Variants in ST3GAL4 observed in about 807,000 individuals in gnomAD.
ST3GAL4 encodes the protein ST3 beta-galactoside alpha-2,3-sialyltransferase 4, also known as CMP-N-acetylneuraminate-beta-galactosamide-alpha-2,3-sialyltransferase 4.
Under a neutral mutation model 42.6 loss-of-function variants are expected in ST3GAL4, and 24 were observed. That is an observed-to-expected ratio of 0.56 (90% CI 0.41 to 0.79). The LOEUF is 0.79. Among genes scored for constraint, ST3GAL4 ranks in the 30% least tolerant of loss-of-function variants. The probability of loss-of-function intolerance (pLI) is 0.00; values close to 1 mark genes in which losing one functional copy is unlikely to be tolerated. For missense variants in ST3GAL4, 311 were observed against 430.8 expected (o/e 0.72, Z 2.46); for synonymous variants, 135 against 163.2 (o/e 0.83, Z 1.32).
intron 1 of ST3GAL4, among the ~76,000 whole-genome samples, chr11:126,385,129 G>A (rs1953175646): frequency 6.6e-6 from 1 of 151,946 alleles, no homozygotes; most frequent in African/African-American, 2.4e-5. Context: ...GAGAGGTTAA[G>A]TACCTGGTCC....
rs541651763 is a variant in ST3GAL4, at chr11:126,410,363, C to T, written c.771+952C>T. 7.2e-5 allele frequency among the ~76,000 whole-genome samples: 11 copies of T among 152,260 alleles called. No individual in the cohort carries two copies. Among genetic ancestry groups the T allele is most frequent in the Middle Eastern group, 3.4e-3 (1 of 294 alleles). On this transcript the variant is annotated intron_variant, in intron 9 of 10. Transcript: ENST00000444328. The surrounding 1 kb of genome is among the most constrained non-coding windows in gnomAD (Gnocchi z 5.3). ...CTTCCACCCATATCTTGGAGCCCCTCGGGGAGGCCGTGTGGGATGGTGAGA... is the reference window on the plus strand; with the variant it reads ...CTTCCACCCATATCTTGGAGCCCCTTGGGGAGGCCGTGTGGGATGGTGAGA...
Position 126,383,588 on chromosome 11 carries a change from G to GGT in ST3GAL4, c.-60-22496_-60-22495dup, listed in dbSNP as rs376323612. On this transcript the variant is annotated intron_variant, in intron 1 of 10. Transcript: ENST00000444328. The surrounding 1 kb of genome is among the most constrained non-coding windows in gnomAD (Gnocchi z 4.5). ...ACTGAGAAGTGGGTGTATTTGGGCA[G>GGT]GTGTGTGTGTGTGACCAAGCTTGCG... Among the ~76,000 whole-genome samples, 58 of 152,196 alleles carry GGT rather than the reference G, an allele frequency of 3.8e-4. No homozygotes were observed. The highest frequency in any genetic ancestry group is 4.7e-4 in the Non-Finnish European group (32 of 67,984).
At chr11:126,401,602 C>T (rs1953996342) in intron 1 of ST3GAL4, among the ~76,000 whole-genome samples, 1 of 144,286 alleles carries the variant, frequency 6.9e-6, no homozygotes, top group African/African-American at 2.5e-5. Flanking sequence ...TGGGCCCCGG[C>T]AGCAGAGCCT....
At position 126,379,219 on chromosome 11, in the gene ST3GAL4, A is replaced by G. The variant is rs1161125434; in HGVS notation, c.-61+23377A>G. 6.6e-6 allele frequency among the ~76,000 whole-genome samples: 1 copy of G among 152,204 alleles called. No homozygotes were observed. The highest frequency in any genetic ancestry group is 1.5e-5 in the Non-Finnish European group (1 of 68,036). Reference sequence around the variant, plus strand: ...TATCTAGAGGATTACGTAGCCACCAATTGCTTTGCTTAGTAGTGAGGATGG... The same window carrying G: ...TATCTAGAGGATTACGTAGCCACCAGTTGCTTTGCTTAGTAGTGAGGATGG... On this transcript the variant is annotated intron_variant, in intron 1 of 10. Coordinates refer to ENST00000444328, the MANE Select transcript of ST3GAL4 (RefSeq NM_001254757.2). This position sits in a 1 kb window ranked among gnomAD's most constrained non-coding sequence, Gnocchi z 4.2.
At position 126,396,494 on chromosome 11, in the gene ST3GAL4, G is replaced by A. The variant is rs1953768560; in HGVS notation, c.-60-9602G>A. Among the ~76,000 whole-genome samples the A allele has an allele frequency of 6.6e-6, 1 of 151,998 alleles. No homozygotes were observed. Among genetic ancestry groups the A allele is most frequent in the Non-Finnish European group, 1.5e-5 (1 of 68,040 alleles). ...CAGCTGTGTGCCTTGAACACGTACT[G>A]CAGAGCTTCCAGAGAGCACCAGGGC... On this transcript the variant is annotated intron_variant, in intron 1 of 10. Coordinates refer to ENST00000444328, the MANE Select transcript of ST3GAL4 (RefSeq NM_001254757.2). The surrounding 1 kb of genome is among the most constrained non-coding windows in gnomAD (Gnocchi z 5.8).
In ST3GAL4 at chr11:126,398,706, C is replaced by T. The variant is rs967813427; in HGVS notation, c.-60-7390C>T. Among the ~76,000 whole-genome samples the T allele has an allele frequency of 1.3e-5, 2 of 152,218 alleles. No homozygotes were observed. The highest frequency in any genetic ancestry group is 3.8e-4 in the East Asian group (2 of 5,196). On this transcript the variant is annotated intron_variant, in intron 1 of 10. Transcript: ENST00000444328. The surrounding 1 kb of genome is among the most constrained non-coding windows in gnomAD (Gnocchi z 4.7). ...GGGTCCCGAGTCTGTCCGCAATATC[C>T]TTTGAAATCTAGTTGGAGGGAGCCA...
At chr11:126,395,650 TAGTA>T (rs1379189649) in intron 1 of ST3GAL4, among the ~76,000 whole-genome samples, 5 of 152,238 alleles carry the variant, frequency 3.3e-5, no homozygotes, top group Non-Finnish European at 7.4e-5. Context: ...GTTCTCCTGG[TAGTA>T]AGTGTCAGGT....
Position 126,407,173 on chromosome 11 carries a change from T to C in ST3GAL4, c.183-79T>C. On this transcript the variant is annotated intron_variant, in intron 4 of 10. Coordinates refer to ENST00000444328, the MANE Select transcript of ST3GAL4 (RefSeq NM_001254757.2). Reference sequence around the variant, plus strand: ...GGAGGGAAGAGAAGGCCTTATAATATTAGTCATGGGCCTAACCCTACTTCT... The same window carrying C: ...GGAGGGAAGAGAAGGCCTTATAATACTAGTCATGGGCCTAACCCTACTTCT... 19 of 1,530,922 alleles carry C rather than the reference T, an allele frequency of 1.2e-5. 1 individual carries two copies. Among genetic ancestry groups the C allele is most frequent in the Non-Finnish European group, 1.6e-5 (18 of 1,105,018 alleles). 94.8% of individuals were successfully genotyped at this position (1,530,922 alleles called of 1,614,324 possible).
intron 9 of ST3GAL4, among the ~76,000 whole-genome samples, chr11:126,412,658 G>C (rs1954582015): frequency 6.6e-6 from 1 of 152,196 alleles, no homozygotes; most frequent in South Asian, 2.1e-4. Flanking sequence ...CCTGGGCAAC[G>C]TGGTGAAACC....
chr11:126,404,863 G>A (rs371229030), intron 1 of ST3GAL4, among the ~76,000 whole-genome samples: 8 of 152,334 alleles, frequency 5.3e-5, no homozygotes, highest in African/African-American at 1.7e-4. Context: ...TGGGGAGCAG[G>A]ACACTGACTC....
At position 126,406,301 on chromosome 11, in the gene ST3GAL4, A is replaced by G. The variant is rs1406050780; in HGVS notation, c.16+130A>G. ...CCAGGGGCCCTTCTCTTCATCTTGA[A>G]GGACAGTGGGTACAATCAGGGTCAA... On this transcript the variant is annotated intron_variant, in intron 2 of 10. Coordinates refer to ENST00000444328, the MANE Select transcript of ST3GAL4 (RefSeq NM_001254757.2). This position sits in a 1 kb window ranked among gnomAD's most constrained non-coding sequence, Gnocchi z 5.4. 1 of 1,542,944 alleles carries G rather than the reference A, an allele frequency of 6.5e-7. No homozygotes were observed. The highest frequency in any genetic ancestry group is 8.7e-7 in the Non-Finnish European group (1 of 1,143,512).
At position 126,406,239 on chromosome 11, in the gene ST3GAL4, TG is replaced by T; in HGVS notation, c.16+71del. ...TCAGAAGCCGTCTTCAGCAGGATCC[TG>T]GGACCTCTGGGGGCTGTGGAGGGAC... is the stretch of plus-strand genomic sequence containing the variant. On this transcript the variant is annotated intron_variant, in intron 2 of 10. Transcript: ENST00000444328. The surrounding 1 kb of genome is among the most constrained non-coding windows in gnomAD (Gnocchi z 5.4). 2 of 1,550,880 alleles carry T rather than the reference TG, an allele frequency of 1.3e-6. No individual in the cohort carries two copies. Among genetic ancestry groups the T allele is most frequent in the Non-Finnish European group, 1.7e-6 (2 of 1,147,426 alleles).
chr11:126,370,843 A>G (rs1037621639), intron 1 of ST3GAL4, among the ~76,000 whole-genome samples: 13 of 151,886 alleles, frequency 8.6e-5, no homozygotes, highest in African/African-American at 3.1e-4. Flanking sequence ...CGCTCGGCTA[A>G]TTTTTGTATT....
chr11:126,395,203 A>G (rs1226702199), intron 1 of ST3GAL4, among the ~76,000 whole-genome samples: 3 of 152,136 alleles, frequency 2.0e-5, no homozygotes, highest in Non-Finnish European at 2.9e-5. Context: ...GAACAGATCC[A>G]TTTATTAATT....
At chr11:126,390,396 A>G (rs183444213) in intron 1 of ST3GAL4, among the ~76,000 whole-genome samples, 6 of 151,428 alleles carry the variant, frequency 4.0e-5, no homozygotes, top group Non-Finnish European at 7.4e-5. Flanking sequence ...TATATACTTC[A>G]AAATGGAATT....
chr11:126,413,899 T>C (rs896582362), intron 10 of ST3GAL4, 62 bp from the exon 11 acceptor site: 4 of 1,593,156 alleles, frequency 2.5e-6, no homozygotes, highest in Non-Finnish European at 3.4e-6. Flanking sequence ...GCAGGGAGAC[T>C]TTCCTGGGGA....
In ST3GAL4 at chr11:126,406,084, C is replaced by CT. The variant is rs146598928; in HGVS notation, c.-60-10dup. ...TGAAGCTGACCGGACACCTGTGGCT[C>CT]TTATTTCCTAGGTGGCCCGAGGCAG... is the stretch of plus-strand genomic sequence containing the variant. On this transcript the variant is annotated splice_polypyrimidine_tract_variant and intron_variant, in intron 1 of 10. Coordinates refer to ENST00000444328, the MANE Select transcript of ST3GAL4 (RefSeq NM_001254757.2). This position sits in a 1 kb window ranked among gnomAD's most constrained non-coding sequence, Gnocchi z 5.4. 30 of 1,551,594 alleles carry CT rather than the reference C, an allele frequency of 1.9e-5. No individual in the cohort carries two copies. The African/African-American group carries it at 4.0e-4, about 21-fold the overall frequency.
At chr11:126,372,552 G>C (rs1034209466) in intron 1 of ST3GAL4, among the ~76,000 whole-genome samples, 10 of 151,966 alleles carry the variant, frequency 6.6e-5, no homozygotes, top group African/African-American at 2.4e-4. Flanking sequence ...GAGTAGCTGG[G>C]ATTACACGCA....
chr11:126,366,290 G>T lies in ST3GAL4; in HGVS notation c.-61+10448G>T, dbSNP rs969937110. ...CCACGGCCAGCCCTGAGGAATGGAG[G>T]AAGAGAGTGCCCTGGCTGGGGGAGC... On this transcript the variant is annotated intron_variant, in intron 1 of 10. Coordinates refer to ENST00000444328, the MANE Select transcript of ST3GAL4 (RefSeq NM_001254757.2). The surrounding 1 kb of genome is among the most constrained non-coding windows in gnomAD (Gnocchi z 4.2). 2.6e-5 allele frequency among the ~76,000 whole-genome samples: 4 copies of T among 152,172 alleles called. No homozygotes were observed. The highest frequency in any genetic ancestry group is 7.2e-5 in the African/African-American group (3 of 41,446).
Sources: allele counts gnomAD v4.1 joint callset (sites outside exome capture counted in the v4.1 genomes callset), GRCh38; gene constraint gnomAD v4.1.1; non-coding constraint Gnocchi (gnomAD v3.1); transcripts MANE v1.5; gene names NCBI Gene and HGNC (gene_info 2026-07-23, HGNC 2026-07-21).